The following MYH14 variants were observed in gnomAD, a reference collection of about 807,000 sequenced individuals.
The protein encoded by MYH14 is myosin heavy chain 14.
Under a neutral mutation model 255.5 loss-of-function variants are expected in MYH14, and 123 were observed. The ratio of observed to expected loss-of-function variants is 0.48; its 90% CI spans 0.42 to 0.56. The LOEUF (loss-of-function observed/expected upper bound fraction) is 0.56, where lower values mean the gene tolerates loss of function less well. Among genes scored for constraint, MYH14 ranks in the 20% least tolerant of loss-of-function variants. The pLI is 0.00. For missense variants in MYH14, 2,423 were observed against 2,802.3 expected (o/e 0.86, Z 3.06); for synonymous variants, 1,095 against 1,161.2 (o/e 0.94, Z 1.16).
At chr19:50,301,445 T>C (rs1377475056) in intron 39 of MYH14, among the ~76,000 whole-genome samples, 2 of 152,168 alleles carry the variant, frequency 1.3e-5, no homozygotes, top group Non-Finnish European at 2.9e-5. Context: ...CTATCCAAAA[T>C]GTTAAGACCC....
chr19:50,234,960 T>C (rs750928700), intron 10 of MYH14, among the ~76,000 whole-genome samples: 5 of 152,122 alleles, frequency 3.3e-5, no homozygotes, highest in Non-Finnish European at 5.9e-5. Context: ...TTTAAGAATA[T>C]AAGAAAAGAC....
At chr19:50,242,916 T>C (rs1290756140) in intron 10 of MYH14, among the ~76,000 whole-genome samples, 2 of 152,146 alleles carry the variant, frequency 1.3e-5, no homozygotes, top group African/African-American at 4.8e-5. Context: ...TTGCACTTTT[T>C]GCTGGTGATT....
rs1375437684 is a variant in MYH14 at position 50,231,943 on chromosome 19, C to T, written c.987C>T (p.Leu329=). The stretch of plus-strand genomic sequence containing the variant: ...TTGTCCCTGCAGCCGACCTCCTCCT[C>T]GAGCCCTGCTCCCACTACCGGTTCC... ...AGEQLKADLL[L]EPCSHYRFLT... The change falls in exon 10 of 43, where the codon CTC becomes CTT. Residue 329 remains leucine (L), a synonymous_variant. Coordinates refer to ENST00000642316, the MANE Select transcript of MYH14 (RefSeq NM_001145809.2). 5 of 1,613,966 alleles carry T rather than the reference C, an allele frequency of 3.1e-6. No homozygotes were observed. The highest frequency in any genetic ancestry group is 2.2e-5 in the East Asian group (1 of 44,888).
chr19:50,244,823 A>T (rs1482675126), intron 11 of MYH14, among the ~76,000 whole-genome samples: 1 of 151,970 alleles, frequency 6.6e-6, no homozygotes, highest in African/African-American at 2.4e-5. Flanking sequence ...AAATAACATC[A>T]ACCACTCTTT....
chr19:50,281,755 G>A lies in MYH14; in HGVS notation c.4452G>A (p.Gln1484=). 6.2e-7 allele frequency: 1 copy of A among 1,612,400 alleles called. No individual in the cohort carries two copies. The highest frequency in any genetic ancestry group is 8.5e-7 in the Non-Finnish European group (1 of 1,179,712). The change falls in exon 33 of 43, where the codon CAG becomes CAA. Residue 1484 remains glutamine, a synonymous_variant. Coordinates refer to ENST00000642316, the MANE Select transcript of MYH14 (RefSeq NM_001145809.2). ...TGGAGCGGGGCCGCCGCCGGCTGCA[G>A]CAGGAGCTGGACGACGCCACCATGG... ...DRLERGRRRL[Q]QELDDATMDL...
rs34015428 is a variant in MYH14, at chr19:50,264,055, CAAAA to C, written c.2694+653_2694+656del. ...TGGGCAATACAGCAAAACTCTGTCT[CAAAA>C]AAAAAAAAAAAAAAAAAGAGCAAAG... On this transcript the variant is annotated intron_variant, in intron 22 of 42. Transcript: ENST00000642316. 4.5e-4 allele frequency among the ~76,000 whole-genome samples: 15 copies of C among 33,420 alleles called. 1 individual carries two copies. The highest frequency in any genetic ancestry group is 1.8e-3 in the African/African-American group (13 of 7,374). The allele number at this position is 33,420 out of a possible 152,430, so 21.9% of individuals were successfully genotyped here. A position where few individuals can be genotyped will look rare whatever the true frequency, so the allele number is the denominator to read the frequency against.
intron 30 of MYH14, 51 bp from the exon 31 acceptor site, chr19:50,279,986 A>G (rs972866057): frequency 7.4e-7 from 1 of 1,352,954 alleles, no homozygotes; most frequent in East Asian, 2.4e-5. Flanking sequence ...AGATGGGGTC[A>G]CTGGGTGGAA....
At chr19:50,308,268 C>G (rs2036721006) in intron 41 of MYH14, 1 of 152,182 alleles carries the variant, frequency 6.6e-6, no homozygotes, top group South Asian at 2.1e-4. Context: ...TTAGTATGGT[C>G]TAGATAAACA....
intron 6 of MYH14, 81 bp downstream of exon 6, chr19:50,224,258 A>G: frequency 1.3e-6 from 2 of 1,590,220 alleles, no homozygotes; most frequent in Non-Finnish European, 8.6e-7. Context: ...CTTGGTAGAC[A>G]GGGCCCAAGG....
intron 23 of MYH14, among the ~76,000 whole-genome samples, chr19:50,267,623 A>AAT (rs2035136415): frequency 1.7e-4 from 25 of 149,146 alleles, no homozygotes; most frequent in African/African-American, 5.7e-4. Context: ...TCTGTCTCAA[A>AAT]AATAATAATA....
intron 26 of MYH14, 63 bp from the exon 27 acceptor site, chr19:50,272,497 T>A: frequency 6.5e-7 from 1 of 1,530,222 alleles, no homozygotes; most frequent in Non-Finnish European, 8.9e-7. Context: ...CTGTGGTCTC[T>A]GTGAGAGCGG....
chr19:50,249,526 CCT>C (rs2034277711), intron 13 of MYH14, 122 bp from the exon 14 acceptor site: 5 of 1,066,010 alleles, frequency 4.7e-6, no homozygotes, highest in Admixed American at 2.1e-5. Context: ...TCTCTGTCCC[CCT>C]CTCTCTGGGT....
chr19:50,254,258 C>T (rs2034509960), intron 16 of MYH14, among the ~76,000 whole-genome samples: 4 of 151,392 alleles, frequency 2.6e-5, no homozygotes, highest in Admixed American at 2.6e-4. Flanking sequence ...ACAAAATGAG[C>T]AAGGTGAGTG....
chr19:50,278,414 G>A, intron 30 of MYH14, 125 bp downstream of exon 30: 2 of 683,730 alleles, frequency 2.9e-6, no homozygotes, highest in South Asian at 2.6e-5. Context: ...ACATAATCAT[G>A]TACAAGTCTG....
In MYH14 at chr19:50,293,524, C is replaced by T. The variant is rs2036159515; in HGVS notation, c.5346-40C>T. The T allele has an allele frequency of 6.2e-7, 1 of 1,609,230 alleles. No individual in the cohort carries two copies. The highest frequency in any genetic ancestry group is 1.7e-5 in the Admixed American group (1 of 59,542). ...GTGAGGCAAGGCACCCTCCTCTGAC[C>T]ATCCTGTCCTTTCATCCCCACGCCT... is the stretch of plus-strand genomic sequence containing the variant. On this transcript the variant is annotated intron_variant, in intron 38 of 42. Transcript: ENST00000642316. The surrounding 1 kb of genome is among the most constrained non-coding windows in gnomAD (Gnocchi z 4.1).
At chr19:50,232,436 A>AC (rs1017656132) in intron 10 of MYH14, among the ~76,000 whole-genome samples, 20 of 95,374 alleles carry the variant, frequency 2.1e-4, no homozygotes, top group African/African-American at 5.8e-4. Flanking sequence ...TACTGAAAAT[A>AC]CAAAAAAGTT....
chr19:50,272,824 C>T, intron 27 of MYH14, 93 bp downstream of exon 27: 2 of 1,259,550 alleles, frequency 1.6e-6, no homozygotes, highest in Non-Finnish European at 1.1e-6. Flanking sequence ...GGGTACAAAC[C>T]CCAGTGGAGC....
At chr19:50,281,952 G>C (rs1601017930) in intron 33 of MYH14, 110 bp downstream of exon 33, 2 of 1,203,184 alleles carry the variant, frequency 1.7e-6, no homozygotes, top group African/African-American at 3.0e-5. Context: ...CTAGGCAGTT[G>C]TAGTGGACCA....
intron 23 of MYH14, among the ~76,000 whole-genome samples, chr19:50,267,333 C>T (rs1452410065): frequency 6.6e-6 from 1 of 151,922 alleles, no homozygotes; most frequent in African/African-American, 2.4e-5. Flanking sequence ...CAGCTGTGGC[C>T]GGGCTATGGT....
Sources: allele counts gnomAD v4.1 joint callset (sites outside exome capture counted in the v4.1 genomes callset), GRCh38; gene constraint gnomAD v4.1.1; non-coding constraint Gnocchi (gnomAD v3.1); transcripts MANE v1.5; gene names NCBI Gene and HGNC (gene_info 2026-07-23, HGNC 2026-07-21).